The following NBAS variants were observed in gnomAD, a reference collection of about 807,000 sequenced individuals.
The protein encoded by NBAS is NBAS subunit of NRZ tethering complex.
NBAS carries 219 observed loss-of-function variants against 302.5 expected under a neutral mutation model. That is an observed-to-expected ratio of 0.72 (90% CI 0.65 to 0.81). The LOEUF is 0.81. Ranked by LOEUF, NBAS falls within the 30% of genes least tolerant of loss-of-function variation. The pLI is 0.00. For missense variants in NBAS, 2,932 were observed against 2,841.6 expected, an observed-to-expected ratio of 1.03 and a Z score of -0.72; for synonymous variants, 1,118 against 1,021.6, an observed-to-expected ratio of 1.09 and a Z score of -1.80.
At position 15,285,831 on chromosome 2, in the gene NBAS, T is replaced by G. The variant is rs1373895562; in HGVS notation, c.5138+1242A>C. Among the ~76,000 whole-genome samples, 4 of 152,142 alleles carry G rather than the reference T, an allele frequency of 2.6e-5. No individual in the cohort carries two copies. The East Asian group carries it at 7.7e-4, about 29-fold the overall frequency. On this transcript the variant is annotated intron_variant, in intron 42 of 51. Transcript: ENST00000281513. ...CACCATACTCAGCTAATTTTTGTAT[T>G]TTTAGTAGAGACAGGGTTTCTCCAT...
At chr2:15,087,258 C>CACACACA in the NBAS span, among the ~76,000 whole-genome samples, 490 of 131,382 alleles carry the variant, frequency 3.7e-3, 5 homozygotes, top group African/African-American at 0.016. Context: ...ACACACACAC[C>CACACACA]CCATATTGGT....
At chr2:15,513,092 G>T (rs1290282269) in intron 9 of NBAS, among the ~76,000 whole-genome samples, 1 of 152,074 alleles carries the variant, frequency 6.6e-6, no homozygotes, top group East Asian at 1.9e-4. Flanking sequence ...TTTAATTATG[G>T]AATGTAGCCC....
At chr2:15,320,984 A>T (rs1418967028) in intron 38 of NBAS, among the ~76,000 whole-genome samples, 4 of 152,198 alleles carry the variant, frequency 2.6e-5, no homozygotes, top group Non-Finnish European at 5.9e-5. Context: ...ACGTTACCTG[A>T]CTTCAAACTA....
the NBAS span, among the ~76,000 whole-genome samples, chr2:15,051,157 G>A: frequency 2.6e-5 from 4 of 152,318 alleles, no homozygotes; most frequent in East Asian, 3.9e-4. Flanking sequence ...ATTATTTGGT[G>A]GCTGAACAAC....
intron 21 of NBAS, among the ~76,000 whole-genome samples, chr2:15,459,374 A>G (rs958798835): frequency 1.6e-4 from 24 of 152,220 alleles, no homozygotes; most frequent in Non-Finnish European, 3.2e-4. Flanking sequence ...AAAGAGATAG[A>G]GAACCATTGA....
the NBAS span, among the ~76,000 whole-genome samples, chr2:14,948,992 AAAG>A: frequency 6.6e-6 from 1 of 152,194 alleles, no homozygotes; most frequent in Admixed American, 6.5e-5. Context: ...TACAATGGTA[AAAG>A]AACAGGCTTT....
the NBAS span, among the ~76,000 whole-genome samples, chr2:15,159,230 G>A: frequency 5.3e-5 from 8 of 152,176 alleles, no homozygotes; most frequent in African/African-American, 1.7e-4. Flanking sequence ...AAGGCCCTGC[G>A]CGTTCACCAG....
intron 21 of NBAS, among the ~76,000 whole-genome samples, chr2:15,445,908 A>AT (rs892582604): frequency 2.3e-5 from 2 of 87,022 alleles, no homozygotes; most frequent in Non-Finnish European, 5.5e-5. Context: ...AGTCTCGGAG[A>AT]TTAAAAAAAA....
In NBAS at chr2:15,475,787, G is replaced by C; in HGVS notation, c.1241C>G (p.Ser414Cys). The change falls in exon 14 of 52, where the codon TCT becomes TGT. Residue 414 changes from serine (S) to cysteine (C), a missense_variant. Physicochemically the swap from Ser to Cys is moderately radical, Grantham distance 112. Transcript: ENST00000281513. ...CAGTAAATTCTTCAAAGTTTTCACA[G>C]ATGAAACAGTTAAAGCACCAGAGCA... is the stretch of plus-strand genomic sequence containing the variant. Reference protein sequence around the residue: ...ARCSGALTVSSVKTLKNLLGK... With the variant: ...ARCSGALTVSCVKTLKNLLGK... The C allele has an allele frequency of 6.2e-7, 1 of 1,614,056 alleles. No homozygotes were observed.
chr2:15,508,917 C>T (rs1359560558), intron 10 of NBAS, among the ~76,000 whole-genome samples: 1 of 152,176 alleles, frequency 6.6e-6, no homozygotes, highest in African/African-American at 2.4e-5. Context: ...ATGGGAGAAT[C>T]GCTTGAACCC....
At chr2:14,866,002 T>C in the NBAS span, among the ~76,000 whole-genome samples, 1 of 152,286 alleles carries the variant, frequency 6.6e-6, no homozygotes, top group South Asian at 2.1e-4. Flanking sequence ...CTGGTCTCTA[T>C]TTTCAGATGG....
the NBAS span, among the ~76,000 whole-genome samples, chr2:14,949,556 A>C: frequency 2.5e-4 from 38 of 152,280 alleles, no homozygotes; most frequent in Middle Eastern, 6.8e-3. Context: ...TATCTGCCCT[A>C]CCATGTTTAT....
intron 31 of NBAS, among the ~76,000 whole-genome samples, chr2:15,369,172 T>C (rs907261659): frequency 1.3e-5 from 2 of 152,204 alleles, no homozygotes; most frequent in African/African-American, 2.4e-5. Context: ...ATTCCACATA[T>C]GTAAAAATCT....
the NBAS span, among the ~76,000 whole-genome samples, chr2:15,029,814 A>AG: frequency 2.0e-5 from 3 of 152,154 alleles, no homozygotes; most frequent in African/African-American, 7.2e-5. Context: ...ACTGCCTGGG[A>AG]GGCATTGTCT....
chr2:15,203,916 G>GTA (rs1666014375), intron 48 of NBAS, among the ~76,000 whole-genome samples: 1 of 151,390 alleles, frequency 6.6e-6, no homozygotes, highest in South Asian at 2.1e-4. Context: ...GTGTGTGTGT[G>GTA]TGTGTGTGTG....
At chr2:15,192,203 A>T (rs1323820568) in intron 48 of NBAS, among the ~76,000 whole-genome samples, 1 of 151,764 alleles carries the variant, frequency 6.6e-6, no homozygotes, top group African/African-American at 2.4e-5. Flanking sequence ...CTTGTTCCAT[A>T]AGAAATGTTA....
intron 38 of NBAS, among the ~76,000 whole-genome samples, chr2:15,324,350 C>T (rs1671965019): frequency 6.6e-6 from 1 of 152,186 alleles, no homozygotes; most frequent in Non-Finnish European, 1.5e-5. Flanking sequence ...ACATACCCTT[C>T]CTCTCCAGGT....
At chr2:15,436,745 G>T (rs1231047178) in intron 21 of NBAS, among the ~76,000 whole-genome samples, 1 of 152,100 alleles carries the variant, frequency 6.6e-6, no homozygotes, top group African/African-American at 2.4e-5. Context: ...AACCTCTCAT[G>T]TATTTCCATT....
At chr2:15,318,001 A>AG (rs1420674444) in intron 38 of NBAS, among the ~76,000 whole-genome samples, 1 of 152,240 alleles carries the variant, frequency 6.6e-6, no homozygotes, top group Non-Finnish European at 1.5e-5. Flanking sequence ...CCAGCACAAA[A>AG]GGTTGGGTTG....
Sources: gnomAD v4.1 joint callset for allele counts (sites outside exome capture counted in the v4.1 genomes callset) on GRCh38, gnomAD v4.1.1 for gene constraint, MANE v1.5 for transcripts, NCBI Gene and HGNC (gene_info 2026-07-23, HGNC 2026-07-21) for gene names.